The following RFWD3 variants were observed in gnomAD, a reference collection of about 807,000 sequenced individuals.
The protein encoded by RFWD3 is E3 ubiquitin-protein ligase RFWD3.
RFWD3 carries 65 observed loss-of-function variants against 87.7 expected under a neutral mutation model. The ratio of observed to expected loss-of-function variants is 0.74; its 90% CI spans 0.61 to 0.91. RFWD3 has a LOEUF of 0.91. Ranked by LOEUF, RFWD3 falls within the 40% of genes least tolerant of loss-of-function variation. The pLI is 0.00. For missense variants in RFWD3, 1,078 were observed against 938.5 expected (o/e 1.15, Z -1.94); for synonymous variants, 433 against 352.8 (o/e 1.23, Z -2.55).
intron 2 of RFWD3, among the ~76,000 whole-genome samples, chr16:74,659,501 A>AC (rs1961261045): frequency 6.6e-6 from 1 of 152,182 alleles, no homozygotes; most frequent in Admixed American, 6.6e-5. Flanking sequence ...AGGCTGAGGC[A>AC]CAAGAATCGC....
chr16:74,648,401 C>A (rs545627495), intron 4 of RFWD3, among the ~76,000 whole-genome samples: 2 of 151,602 alleles, frequency 1.3e-5, no homozygotes, highest in African/African-American at 4.8e-5. Flanking sequence ...GTGATCCACC[C>A]GCCTTGGCCT....
chr16:74,630,165 G>C (rs1002605053), intron 10 of RFWD3, among the ~76,000 whole-genome samples: 1 of 151,860 alleles, frequency 6.6e-6, no homozygotes, highest in Admixed American at 6.6e-5. Flanking sequence ...GCGCAATCTC[G>C]GCTCACCGCA....
intron 1 of RFWD3, among the ~76,000 whole-genome samples, chr16:74,663,424 T>TG (rs879756462): frequency 2.6e-5 from 4 of 152,090 alleles, no homozygotes; most frequent in Non-Finnish European, 4.4e-5. Context: ...CAAGTGCTAC[T>TG]GGGGGGAAGA....
rs964748609 is a variant in RFWD3, at chr16:74,622,670, G to A, written c.*1258C>T. 1.2e-4 allele frequency: 18 copies of A among 152,092 alleles called. No homozygotes were observed. The highest frequency in any genetic ancestry group is 2.9e-5 in the Non-Finnish European group (2 of 68,024). The allele number at this position is 152,092 out of a possible 1,614,324, so 9.4% of individuals were successfully genotyped here. A position where few individuals can be genotyped will look rare whatever the true frequency, so the allele number is the denominator to read the frequency against. On this transcript the variant is annotated 3_prime_UTR_variant, in exon 13 of 13. Coordinates refer to ENST00000361070, the MANE Select transcript of RFWD3 (RefSeq NM_018124.4). ...CTTCAATAATCATTTGAGAAAATCA[G>A]ACTGTTAAGCCATTTTCTCCCATGA...
intron 4 of RFWD3, among the ~76,000 whole-genome samples, chr16:74,648,800 T>C (rs542000689): frequency 6.6e-6 from 1 of 151,492 alleles, no homozygotes; most frequent in South Asian, 2.1e-4. Context: ...AAAGGGGATA[T>C]TCAGGTTGGG....
intron 1 of RFWD3, 45 bp from the exon 2 acceptor site, chr16:74,661,496 A>C: frequency 6.9e-7 from 1 of 1,446,026 alleles, no homozygotes; most frequent in African/African-American, 1.4e-5. Context: ...AATAGATAAA[A>C]CATGCTATGT....
At chr16:74,634,656 T>C (rs1368517622) in intron 8 of RFWD3, among the ~76,000 whole-genome samples, 1 of 152,144 alleles carries the variant, frequency 6.6e-6, no homozygotes, top group Admixed American at 6.5e-5. Context: ...CCCAAAGTGC[T>C]GGGATTACAG....
intron 4 of RFWD3, among the ~76,000 whole-genome samples, chr16:74,648,017 G>A (rs1363148684): frequency 2.6e-5 from 4 of 152,048 alleles, no homozygotes; most frequent in Non-Finnish European, 4.4e-5. Context: ...TGCAATCATG[G>A]CTCACTGAAG....
chr16:74,666,336 T>C (rs1393639282), intron 1 of RFWD3: 1 of 152,210 alleles, frequency 6.6e-6, no homozygotes, highest in Non-Finnish European at 1.5e-5. Flanking sequence ...ATAATACAAG[T>C]CTTTACTCCA....
At chr16:74,651,558 G>A (rs1390155784) in intron 3 of RFWD3, among the ~76,000 whole-genome samples, 1 of 152,188 alleles carries the variant, frequency 6.6e-6, no homozygotes, top group Non-Finnish European at 1.5e-5. Context: ...AGCGGAAGTT[G>A]CAGTAAGCTG....
At chr16:74,626,589 G>T (rs1958942703) in intron 11 of RFWD3, 35 bp from the exon 12 acceptor site, 1 of 1,567,336 alleles carries the variant, frequency 6.4e-7, no homozygotes, top group Non-Finnish European at 8.8e-7. Flanking sequence ...GCACCATGGG[G>T]ACGCTACACA....
At chr16:74,654,905 T>A (rs1960844074) in intron 2 of RFWD3, among the ~76,000 whole-genome samples, 1 of 152,194 alleles carries the variant, frequency 6.6e-6, no homozygotes, top group Non-Finnish European at 1.5e-5. Context: ...TCTTTAATTC[T>A]GTGAAAGCTG....
At chr16:74,624,977 T>C (rs1236731580) in intron 12 of RFWD3, among the ~76,000 whole-genome samples, 2 of 151,442 alleles carry the variant, frequency 1.3e-5, no homozygotes, top group Non-Finnish European at 2.9e-5. Flanking sequence ...CCGAGTAAGA[T>C]ACTGTCACTT....
chr16:74,652,150 A>T (rs184911869), intron 2 of RFWD3, 28 bp from the exon 3 acceptor site: 2 of 1,589,654 alleles, frequency 1.3e-6, no homozygotes, highest in Admixed American at 3.3e-5. Flanking sequence ...CAACGGAATT[A>T]TAGTACAATG....
intron 9 of RFWD3, among the ~76,000 whole-genome samples, chr16:74,631,463 ACT>A (rs56056110): frequency 5.3e-5 from 8 of 150,270 alleles, no homozygotes; most frequent in African/African-American, 7.3e-5. Context: ...ACAGAGTGAG[ACT>A]CTCTCTCTCT....
chr16:74,653,013 G>A (rs751183276), intron 2 of RFWD3, among the ~76,000 whole-genome samples: 7 of 152,070 alleles, frequency 4.6e-5, no homozygotes, highest in African/African-American at 7.2e-5. Flanking sequence ...AAAACCAGGA[G>A]TTCCTGAGGA....
chr16:74,661,638 C>T (rs1201167149), intron 1 of RFWD3, among the ~76,000 whole-genome samples, 187 bp from the exon 2 acceptor site: 3 of 152,138 alleles, frequency 2.0e-5, no homozygotes, highest in African/African-American at 4.8e-5. Flanking sequence ...CTCTCTATAA[C>T]AAGCATTTAT....
chr16:74,663,397 A>G (rs985401491), intron 1 of RFWD3, among the ~76,000 whole-genome samples: 4 of 152,148 alleles, frequency 2.6e-5, no homozygotes, highest in Non-Finnish European at 5.9e-5. Context: ...TGTTTCAAGG[A>G]AGGAACAATT....
chr16:74,653,046 C>A (rs944297020), intron 2 of RFWD3, among the ~76,000 whole-genome samples: 10 of 152,096 alleles, frequency 6.6e-5, no homozygotes, highest in African/African-American at 2.4e-4. Flanking sequence ...CACACACACA[C>A]AGACACATTA....
Sources: gnomAD v4.1 joint callset for allele counts (sites outside exome capture counted in the v4.1 genomes callset) on GRCh38, gnomAD v4.1.1 for gene constraint, MANE v1.5 for transcripts, NCBI Gene and HGNC (gene_info 2026-07-23, HGNC 2026-07-21) for gene names.